SMOC2: variants seen among roughly 807,000 people sequenced by gnomAD.
The protein encoded by SMOC2 is SPARC related modular calcium binding 2.
A neutral mutation model predicts 61.4 loss-of-function variants in SMOC2; 39 were observed. The ratio of observed to expected loss-of-function variants is 0.64; its 90% CI spans 0.49 to 0.83. The LOEUF (loss-of-function observed/expected upper bound fraction) is 0.83. Ranked by LOEUF, SMOC2 falls within the 40% of genes least tolerant of loss-of-function variation. SMOC2 has a pLI of 0.00. For synonymous variants in SMOC2, 247 were observed against 239.9 expected (o/e 1.03, Z -0.27); for missense variants, 556 against 592.9 (o/e 0.94, Z 0.65).
intron 1 of SMOC2, 82 bp downstream of exon 1, chr6:168,441,536 C>T: frequency 7.2e-7 from 1 of 1,379,342 alleles, no homozygotes; most frequent in Non-Finnish European, 9.3e-7. Flanking sequence ...GCGCCCCGCT[C>T]CAGGCCCAGG....
At chr6:168,474,673 C>T (rs1437128542) in intron 1 of SMOC2, among the ~76,000 whole-genome samples, 1 of 152,154 alleles carries the variant, frequency 6.6e-6, no homozygotes, top group Non-Finnish European at 1.5e-5. Context: ...CCAGGCACAG[C>T]TGCGCAGGCT....
chr6:168,658,751 G>A (rs1218727260), intron 11 of SMOC2, among the ~76,000 whole-genome samples: 2 of 152,174 alleles, frequency 1.3e-5, no homozygotes, highest in African/African-American at 4.8e-5. Flanking sequence ...ACGATTTCAA[G>A]ATGGATCCAC....
chr6:168,634,580 G>A (rs1786664275), intron 9 of SMOC2, among the ~76,000 whole-genome samples: 1 of 152,222 alleles, frequency 6.6e-6, no homozygotes, highest in South Asian at 2.1e-4. Context: ...GGTCCTGAGA[G>A]AGAAGTCCAG....
At chr6:168,445,641 T>G (rs1356924053) in intron 1 of SMOC2, among the ~76,000 whole-genome samples, 1 of 152,220 alleles carries the variant, frequency 6.6e-6, no homozygotes, top group Non-Finnish European at 1.5e-5. Context: ...CCTTTCTTCT[T>G]CCATTGCAAA....
chr6:168,510,109 A>C (rs536253099), intron 2 of SMOC2, 23 bp downstream of exon 2: 7 of 1,607,418 alleles, frequency 4.4e-6, no homozygotes, highest in Non-Finnish European at 5.1e-6. Flanking sequence ...TTGATCATTC[A>C]TCCAAAGATG....
At chr6:168,551,036 G>A (rs1401034364) in intron 7 of SMOC2, among the ~76,000 whole-genome samples, 1 of 152,212 alleles carries the variant, frequency 6.6e-6, no homozygotes, top group Non-Finnish European at 1.5e-5. Context: ...GAGAGACCAG[G>A]TGGAGATAAT....
chr6:168,649,803 G>T (rs1291834798), intron 9 of SMOC2, among the ~76,000 whole-genome samples: 1 of 152,200 alleles, frequency 6.6e-6, no homozygotes, highest in Non-Finnish European at 1.5e-5. Context: ...CCAGAGAGAG[G>T]AGACCTATGT....
chr6:168,457,972 G>T (rs1381654812), intron 1 of SMOC2, among the ~76,000 whole-genome samples: 1 of 152,162 alleles, frequency 6.6e-6, no homozygotes, highest in African/African-American at 2.4e-5. Flanking sequence ...TTTCCCACCT[G>T]CCACAAAGAT....
At chr6:168,469,695 C>T (rs1389754278) in intron 1 of SMOC2, among the ~76,000 whole-genome samples, 1 of 152,200 alleles carries the variant, frequency 6.6e-6, no homozygotes, top group African/African-American at 2.4e-5. Context: ...ACATGGCCAG[C>T]AGAGCTGGTC....
intron 9 of SMOC2, among the ~76,000 whole-genome samples, chr6:168,608,701 G>T (rs1019045145): frequency 2.0e-5 from 3 of 151,820 alleles, no homozygotes; most frequent in Middle Eastern, 3.2e-3. Context: ...TAATTACAAA[G>T]AAATATTGTA....
intron 2 of SMOC2, among the ~76,000 whole-genome samples, chr6:168,524,855 G>T (rs1172578933): frequency 6.6e-6 from 1 of 152,254 alleles, no homozygotes; most frequent in African/African-American, 2.4e-5. Flanking sequence ...CGGTGGTTCT[G>T]CAAAAGCCAG....
chr6:168,573,530 G>C (rs765188539), intron 7 of SMOC2, among the ~76,000 whole-genome samples: 12 of 152,194 alleles, frequency 7.9e-5, no homozygotes, highest in Non-Finnish European at 1.8e-4. Flanking sequence ...TGGTCCCTCT[G>C]TGTCTGTGTG....
chr6:168,656,047 C>T (rs1309726702), intron 11 of SMOC2, among the ~76,000 whole-genome samples: 1 of 152,232 alleles, frequency 6.6e-6, no homozygotes, highest in Non-Finnish European at 1.5e-5. Flanking sequence ...CTCTCACTGT[C>T]CTTGGGGATC....
intron 4 of SMOC2, 129 bp from the exon 5 acceptor site, chr6:168,543,496 T>C (rs550991029): frequency 1.3e-6 from 1 of 761,234 alleles, no homozygotes; most frequent in East Asian, 2.7e-5. Flanking sequence ...GCTTACAGAA[T>C]TTAAGTAGAA....
At chr6:168,526,270 A>G (rs1391883808) in intron 2 of SMOC2, 76 bp from the exon 3 acceptor site, 3 of 1,365,970 alleles carry the variant, frequency 2.2e-6, no homozygotes, top group African/African-American at 1.4e-5. Context: ...ATGCCTTCAC[A>G]TCTTTCAATG....
chr6:168,469,447 T>A (rs1781920472), intron 1 of SMOC2, among the ~76,000 whole-genome samples: 1 of 152,226 alleles, frequency 6.6e-6, no homozygotes, highest in East Asian at 1.9e-4. Flanking sequence ...CTAGTTTATA[T>A]AAACATGCAG....
At chr6:168,642,457 G>A (rs1252770626) in intron 9 of SMOC2, among the ~76,000 whole-genome samples, 1 of 152,192 alleles carries the variant, frequency 6.6e-6, no homozygotes, top group Non-Finnish European at 1.5e-5. Context: ...TATATAAGGA[G>A]GCAGCTTCAG....
At chr6:168,476,008 G>C (rs370001598) in intron 1 of SMOC2, among the ~76,000 whole-genome samples, 34 of 152,192 alleles carry the variant, frequency 2.2e-4, no homozygotes, top group African/African-American at 7.9e-4. Flanking sequence ...GAACCATTCC[G>C]GTCTCACAGG....
intron 1 of SMOC2, among the ~76,000 whole-genome samples, chr6:168,506,693 C>T (rs1021545696): frequency 6.6e-6 from 1 of 152,170 alleles, no homozygotes; most frequent in African/African-American, 2.4e-5. Flanking sequence ...CGCACCTGTG[C>T]AAATAGCACT....
Sources: gnomAD v4.1 joint callset for allele counts (sites outside exome capture counted in the v4.1 genomes callset) on GRCh38, gnomAD v4.1.1 for gene constraint, MANE v1.5 for transcripts, NCBI Gene and HGNC (gene_info 2026-07-23, HGNC 2026-07-21) for gene names.